The following HTR2A variants were observed in gnomAD, a reference collection of about 807,000 sequenced individuals.
HTR2A encodes 5-hydroxytryptamine receptor 2A.
In HTR2A, 14 loss-of-function variants were observed where a neutral mutation model predicts 31.0. The ratio of observed to expected loss-of-function variants is 0.45; its 90% CI spans 0.30 to 0.71. The LOEUF (loss-of-function observed/expected upper bound fraction) is 0.71, where lower values mean the gene tolerates loss of function less well. Ranked by LOEUF, HTR2A falls within the 30% of genes least tolerant of loss-of-function variation. The pLI is 0.09. For synonymous variants in HTR2A, 209 were observed against 225.2 expected, an observed-to-expected ratio of 0.93 and a Z score of 0.64; for missense variants, 442 against 573.3, an observed-to-expected ratio of 0.77 and a Z score of 2.34.
intron 3 of HTR2A, among the ~76,000 whole-genome samples, chr13:46,876,447 T>C (rs550123580): frequency 5.7e-4 from 79 of 138,546 alleles, no homozygotes; most frequent in Middle Eastern, 4.0e-3. Context: ...TCTTGCTCTG[T>C]CGCACAGGCT....
chr13:46,872,377 C>T (rs567865453), intron 3 of HTR2A, among the ~76,000 whole-genome samples: 1 of 151,970 alleles, frequency 6.6e-6, no homozygotes, highest in Admixed American at 6.6e-5. Context: ...TATTAACAAG[C>T]GTATGTGCAA....
intron 3 of HTR2A, among the ~76,000 whole-genome samples, chr13:46,875,762 G>T (rs539894566): frequency 1.3e-5 from 2 of 152,144 alleles, no homozygotes; most frequent in East Asian, 1.9e-4. Flanking sequence ...AAATGTTTCC[G>T]ATTAAAAACA....
intron 3 of HTR2A, among the ~76,000 whole-genome samples, chr13:46,838,977 TACACACAC>T (rs67738033): frequency 2.8e-5 from 4 of 140,890 alleles, no homozygotes; most frequent in East Asian, 2.0e-4. Context: ...GACACACACA[TACACACAC>T]ACACACACAC....
intron 3 of HTR2A, among the ~76,000 whole-genome samples, chr13:46,838,150 A>C (rs1292398918): frequency 6.6e-6 from 1 of 152,194 alleles, no homozygotes; most frequent in Non-Finnish European, 1.5e-5. Context: ...CCAGTGTTTG[A>C]ATCTAGATCT....
At chr13:46,886,860 C>G (rs1245198615) in intron 3 of HTR2A, among the ~76,000 whole-genome samples, 1 of 152,186 alleles carries the variant, frequency 6.6e-6, no homozygotes, top group Non-Finnish European at 1.5e-5. Context: ...GGATATGAAA[C>G]TTGAAGCTCA....
intron 3 of HTR2A, among the ~76,000 whole-genome samples, chr13:46,886,178 C>T (rs1309895596): frequency 6.6e-6 from 1 of 151,964 alleles, no homozygotes; most frequent in Non-Finnish European, 1.5e-5. Context: ...AATTGGGACT[C>T]AGGGTAATGA....
At chr13:46,882,955 C>G (rs1402514256) in intron 3 of HTR2A, among the ~76,000 whole-genome samples, 1 of 152,154 alleles carries the variant, frequency 6.6e-6, no homozygotes, top group Non-Finnish European at 1.5e-5. Flanking sequence ...ACCTGAGACA[C>G]AGAGAGGTGA....
In HTR2A at chr13:46,835,504, A is replaced by G. The variant is rs1399652132; in HGVS notation, c.749T>C (p.Met250Thr). ...GATAGTTAGAAAGTAGGTGATCACC[A>G]TGATGGTTAAGGGAATGAAAAATGA... The part of the protein sequence containing the change: ...FVSFFIPLTI[M>T]VITYFLTIKS... Residue 250 changes from methionine (M) to threonine (T), a missense_variant, in exon 4 of 4, where the codon ATG becomes ACG. Physicochemically the swap from Met to Thr is moderately conservative, Grantham distance 81. Coordinates refer to ENST00000542664, the MANE Select transcript of HTR2A (RefSeq NM_000621.5). 6.2e-7 allele frequency: 1 copy of G among 1,614,096 alleles called. No homozygotes were observed. Among genetic ancestry groups the G allele is most frequent in the African/African-American group, 1.3e-5 (1 of 75,048 alleles).
chr13:46,871,794 A>C (rs1322716191), intron 3 of HTR2A, among the ~76,000 whole-genome samples: 1 of 152,224 alleles, frequency 6.6e-6, no homozygotes, highest in Non-Finnish European at 1.5e-5. Context: ...ATCTCTGCCA[A>C]CAGAACAAAA....
chr13:46,846,624 A>T (rs1267753410), intron 3 of HTR2A, among the ~76,000 whole-genome samples: 1 of 152,172 alleles, frequency 6.6e-6, no homozygotes. Context: ...TTGACTGTGG[A>T]TGGTGACAAT....
intron 3 of HTR2A, among the ~76,000 whole-genome samples, chr13:46,853,310 T>TG (rs1293975073): frequency 6.6e-6 from 1 of 152,122 alleles, no homozygotes; most frequent in African/African-American, 2.4e-5. Context: ...GTCCACATCT[T>TG]GCTGGACACC....
chr13:46,832,427 A>G lies in HTR2A; in HGVS notation c.*2410T>C, dbSNP rs1876277936. 1 of 152,208 alleles carries G rather than the reference A, an allele frequency of 6.6e-6. No individual in the cohort carries two copies. Among genetic ancestry groups the G allele is most frequent in the South Asian group, 2.1e-4 (1 of 4,834 alleles). The allele number at this position is 152,208 out of a possible 1,614,324, so 9.4% of individuals were successfully genotyped here. A position where few individuals can be genotyped will look rare whatever the true frequency, so the allele number is the denominator to read the frequency against. On this transcript the variant is annotated 3_prime_UTR_variant, in exon 4 of 4. Coordinates refer to ENST00000542664, the MANE Select transcript of HTR2A (RefSeq NM_000621.5). ...ACACTTGAATAGATACTTATGGAAG[A>G]AAAAAACACATACACATTTGTAATA...
chr13:46,840,614 G>T (rs746931268), intron 3 of HTR2A, among the ~76,000 whole-genome samples: 1 of 152,152 alleles, frequency 6.6e-6, no homozygotes, highest in Non-Finnish European at 1.5e-5. Context: ...CACACAGAAA[G>T]TTGGGGGCAA....
At chr13:46,852,087 C>T (rs1363323561) in intron 3 of HTR2A, 1 of 152,190 alleles carries the variant, frequency 6.6e-6, no homozygotes, top group Non-Finnish European at 1.5e-5. Flanking sequence ...GACCGTGGGC[C>T]AAGGAGTGTA....
At chr13:46,859,595 G>A (rs1440637267) in intron 3 of HTR2A, among the ~76,000 whole-genome samples, 1 of 152,000 alleles carries the variant, frequency 6.6e-6, no homozygotes, top group African/African-American at 2.4e-5. Flanking sequence ...GAGTTCTCAG[G>A]AGATCTGGTT....
At chr13:46,887,873 G>A (rs566909881) in intron 3 of HTR2A, among the ~76,000 whole-genome samples, 9 of 151,548 alleles carry the variant, frequency 5.9e-5, no homozygotes, top group Admixed American at 2.6e-4. Flanking sequence ...GTGAGAACAC[G>A]TGGACACATG....
chr13:46,864,572 A>G lies in HTR2A; in HGVS notation c.613+27818T>C, dbSNP rs1223973520. ...ACTTCTATCTTGCGGCTTCGGTAAG[A>G]AGGTAGGAGCCTAAACTTCCGAGGA... On this transcript the variant is annotated intron_variant, in intron 3 of 3. Coordinates refer to ENST00000542664, the MANE Select transcript of HTR2A (RefSeq NM_000621.5). 2.0e-5 allele frequency among the ~76,000 whole-genome samples: 3 copies of G among 152,198 alleles called. No individual in the cohort carries two copies. The East Asian group carries it at 5.8e-4, about 29-fold the overall frequency.
intron 3 of HTR2A, among the ~76,000 whole-genome samples, chr13:46,872,131 A>G (rs1050059932): frequency 1.3e-5 from 2 of 152,230 alleles, no homozygotes; most frequent in Non-Finnish European, 2.9e-5. Flanking sequence ...TAGACTTTAA[A>G]TCAAAGATAA....
At chr13:46,882,062 A>T (rs1950969432) in intron 3 of HTR2A, among the ~76,000 whole-genome samples, 1 of 152,140 alleles carries the variant, frequency 6.6e-6, no homozygotes, top group Admixed American at 6.5e-5. Flanking sequence ...GGTTGCTCAT[A>T]AAAAAAGAAG....
Sources: gnomAD v4.1 joint callset for allele counts (sites outside exome capture counted in the v4.1 genomes callset) on GRCh38, gnomAD v4.1.1 for gene constraint, MANE v1.5 for transcripts, NCBI Gene and HGNC (gene_info 2026-07-23, HGNC 2026-07-21) for gene names.